IL17RD: variants seen among roughly 807,000 people sequenced by gnomAD.
The protein encoded by IL17RD is interleukin 17 receptor D, also known as interleukin-17 receptor D.
Under a neutral mutation model 80.5 loss-of-function variants are expected in IL17RD, and 52 were observed. The observed-to-expected ratio is 0.65, with a 90% confidence interval of 0.52 to 0.81. The LOEUF (loss-of-function observed/expected upper bound fraction) is 0.81, where lower values mean the gene tolerates loss of function less well. Among genes scored for constraint, IL17RD ranks in the 40% least tolerant of loss-of-function variants. IL17RD has a pLI of 0.00. For synonymous variants in IL17RD, 416 were observed against 391.8 expected (o/e 1.06, Z -0.73); for missense variants, 1,024 against 955.1 (o/e 1.07, Z -0.95).
At chr3:57,159,450 G>T (rs532762529) in intron 1 of IL17RD, among the ~76,000 whole-genome samples, 1 of 152,330 alleles carries the variant, frequency 6.6e-6, no homozygotes, top group East Asian at 1.9e-4. Flanking sequence ...TTCCCACCGG[G>T]AAGAGCTTCA....
At chr3:57,141,519 A>G (rs1454845248) in intron 1 of IL17RD, among the ~76,000 whole-genome samples, 2 of 152,200 alleles carry the variant, frequency 1.3e-5, no homozygotes, top group Non-Finnish European at 2.9e-5. Flanking sequence ...ACTATATACA[A>G]TTGAATATAA....
Position 57,102,519 on chromosome 3 carries a change from G to C in IL17RD, c.939C>G (p.Phe313Leu). 6.3e-7 allele frequency: 1 copy of C among 1,579,466 alleles called. No homozygotes were observed. Among genetic ancestry groups the C allele is most frequent in the Non-Finnish European group, 8.7e-7 (1 of 1,154,166 alleles). ...GGCACATCACAGTGAAGAGCGTCGCGAATGCCGATATGACTACCAGTGGCA... is the reference window on the plus strand; with the variant it reads ...GGCACATCACAGTGAAGAGCGTCGCCAATGCCGATATGACTACCAGTGGCA... The part of the protein sequence containing the change: ...ITVPLVVISA[F>L]ATLFTVMCRK... The change falls in exon 10 of 13, where the codon TTC becomes TTG. Residue 313 changes from phenylalanine (F) to leucine (L), a missense_variant. Physicochemically the swap from Phe to Leu is conservative, Grantham distance 22 (BLOSUM62 0). Transcript: ENST00000296318.
intron 1 of IL17RD, among the ~76,000 whole-genome samples, chr3:57,139,931 T>C (rs1707798604): frequency 6.6e-6 from 1 of 152,184 alleles, no homozygotes; most frequent in Admixed American, 6.5e-5. Context: ...ACTCAACTCC[T>C]GGTTTTACAG....
chr3:57,096,550 A>C, intron 12 of IL17RD, 45 bp from the exon 13 acceptor site: 73 of 1,326,692 alleles, frequency 5.5e-5, no homozygotes, highest in Non-Finnish European at 7.1e-5. Flanking sequence ...ATTGCATTTC[A>C]CTGGGCTGGG....
intron 1 of IL17RD, among the ~76,000 whole-genome samples, chr3:57,149,842 C>T (rs922769564): frequency 3.3e-5 from 5 of 152,204 alleles, no homozygotes; most frequent in African/African-American, 1.2e-4. Context: ...CCAGGCACCA[C>T]AGGCCATCTC....
In IL17RD at chr3:57,101,206, G is replaced by A; in HGVS notation, c.1137C>T (p.Tyr379=). 1.9e-6 allele frequency: 3 copies of A among 1,613,694 alleles called. No homozygotes were observed. The highest frequency in any genetic ancestry group is 1.7e-6 in the Non-Finnish European group (2 of 1,179,688). ...CACAGCCACAGAAGTCCTGGAGGAA[G>A]TAGGCGAAACACTGGACGACATTCA... ...NHMNVVQCFA[Y]FLQDFCGCEV... Residue 379 remains tyrosine (Y), a synonymous_variant, in exon 11 of 13, where the codon TAC becomes TAT. Transcript: ENST00000296318.
chr3:57,103,122 T>G lies in IL17RD; in HGVS notation c.837A>C (p.Thr279=), dbSNP rs1213648714. ...TTAAGGCATAATGCATCACTTTTCTTGTTGTGTTAGTGTCATCCACCAGCT... is the reference window on the plus strand; with the variant it reads ...TTAAGGCATAATGCATCACTTTTCTGGTTGTGTTAGTGTCATCCACCAGCT... ...IIELVDDTNT[T]RKVMHYALKP... Residue 279 remains threonine, a synonymous_variant, in exon 9 of 13, where the codon ACA becomes ACC. Transcript: ENST00000296318. 6.2e-7 allele frequency: 1 copy of G among 1,603,350 alleles called. No individual in the cohort carries two copies. The highest frequency in any genetic ancestry group is 1.3e-5 in the African/African-American group (1 of 74,828).
At chr3:57,097,142 A>G (rs1198286231) in intron 12 of IL17RD, among the ~76,000 whole-genome samples, 1 of 151,956 alleles carries the variant, frequency 6.6e-6, no homozygotes, top group Non-Finnish European at 1.5e-5. Flanking sequence ...CATACCTGGG[A>G]CCCTATGCTG....
intron 1 of IL17RD, chr3:57,134,514 G>C (rs1357987510): frequency 7.7e-7 from 1 of 1,297,480 alleles, no homozygotes; most frequent in East Asian, 2.3e-5. Context: ...GTACCTGAAG[G>C]TGAAGGGGAA....
intron 1 of IL17RD, among the ~76,000 whole-genome samples, chr3:57,137,091 G>A (rs1476249863): frequency 6.6e-6 from 1 of 152,200 alleles, no homozygotes; most frequent in Non-Finnish European, 1.5e-5. Context: ...AGACCCAGGA[G>A]CTTGTGCTAC....
intron 1 of IL17RD, among the ~76,000 whole-genome samples, chr3:57,152,234 T>C (rs1369989724): frequency 6.6e-6 from 1 of 152,150 alleles, no homozygotes; most frequent in Non-Finnish European, 1.5e-5. Flanking sequence ...GTGTCCAGCA[T>C]GCATTCCAGC....
chr3:57,140,152 C>T (rs763510792), intron 1 of IL17RD, among the ~76,000 whole-genome samples: 2 of 152,204 alleles, frequency 1.3e-5, no homozygotes, highest in Non-Finnish European at 2.9e-5. Flanking sequence ...TAATCTCCCA[C>T]ATTATGGAGA....
intron 1 of IL17RD, among the ~76,000 whole-genome samples, chr3:57,148,825 C>A (rs1320130007): frequency 6.6e-6 from 1 of 152,150 alleles, no homozygotes; most frequent in Non-Finnish European, 1.5e-5. Context: ...CCAGTGAAGC[C>A]CAGAACATCC....
intron 5 of IL17RD, 90 bp downstream of exon 5, chr3:57,109,447 G>T: frequency 1.4e-6 from 2 of 1,456,590 alleles, no homozygotes; most frequent in Non-Finnish European, 9.3e-7. Context: ...GCCCGGCCTT[G>T]GCACGTTCTT....
At chr3:57,105,552 A>AAAAAAAAAAAAAAAAAAAATATAT in intron 7 of IL17RD, among the ~76,000 whole-genome samples, 2 of 63,590 alleles carry the variant, frequency 3.1e-5, no homozygotes, top group Non-Finnish European at 5.6e-5. Context: ...AAAAAAAAAA[A>AAAAAAAAAAAAAAAAAAAATATAT]ATATATATAT....
At chr3:57,134,634 A>C (rs1707683226) in intron 1 of IL17RD, 1 of 802,182 alleles carries the variant, frequency 1.2e-6, no homozygotes, top group South Asian at 1.3e-5. Flanking sequence ...GTCTAAGACC[A>C]AGGAAGCACG....
At position 57,103,164 on chromosome 3, in the gene IL17RD, T is replaced by C. The variant is rs1452832550; in HGVS notation, c.814-19A>G. The C allele has an allele frequency of 6.3e-7, 1 of 1,587,812 alleles. No individual in the cohort carries two copies. Among genetic ancestry groups the C allele is most frequent in the Non-Finnish European group, 8.6e-7 (1 of 1,165,626 alleles). ...CCACCAGCTGCAAAACAGAGGATGC[T>C]GCATTATTTTTTTTTAAAGTGATAT... On this transcript the variant is annotated intron_variant, in intron 8 of 12. Coordinates refer to ENST00000296318, the MANE Select transcript of IL17RD (RefSeq NM_017563.5).
At chr3:57,142,538 C>T (rs985858485) in intron 1 of IL17RD, 1 of 1,281,850 alleles carries the variant, frequency 7.8e-7, no homozygotes, top group African/African-American at 1.5e-5. Flanking sequence ...GTCTGACCTC[C>T]CCCACTCCGG....
chr3:57,126,344 A>T (rs1707458816), intron 1 of IL17RD, among the ~76,000 whole-genome samples: 1 of 152,226 alleles, frequency 6.6e-6, no homozygotes, highest in South Asian at 2.1e-4. Flanking sequence ...GGACGGAAGC[A>T]GCAAATGGCA....
Sources: gnomAD v4.1 joint callset for allele counts (sites outside exome capture counted in the v4.1 genomes callset) on GRCh38, gnomAD v4.1.1 for gene constraint, MANE v1.5 for transcripts, NCBI Gene and HGNC (gene_info 2026-07-23, HGNC 2026-07-21) for gene names.